ROBO2: variants seen among roughly 807,000 people sequenced by gnomAD.
ROBO2 encodes roundabout homolog 2.
A neutral mutation model predicts 160.8 loss-of-function variants in ROBO2; 53 were observed. The ratio of observed to expected loss-of-function variants is 0.33; its 90% CI spans 0.26 to 0.41. The LOEUF is 0.41. Ranked by LOEUF, ROBO2 falls within the 10% of genes least tolerant of loss-of-function variation. The probability of loss-of-function intolerance (pLI) is 1.00; values close to 1 mark genes in which losing one functional copy is unlikely to be tolerated. For synonymous variants in ROBO2, 664 were observed against 611.7 expected (o/e 1.09, Z -1.26); for missense variants, 1,577 against 1,722.4 (o/e 0.92, Z 1.49).
intron 2 of ROBO2, among the ~76,000 whole-genome samples, chr3:77,003,024 G>T (rs2061407325): frequency 6.6e-6 from 1 of 152,134 alleles, no homozygotes; most frequent in Non-Finnish European, 1.5e-5. Context: ...GAGAAAGCAA[G>T]CTATCTCTTG....
upstream of ROBO2, among the ~76,000 whole-genome samples, chr3:77,035,533 C>A (rs1055059417): frequency 6.6e-6 from 1 of 151,950 alleles, no homozygotes; most frequent in East Asian, 1.9e-4. Context: ...TTTAAATGAA[C>A]TATTACTATA....
intron 2 of ROBO2, among the ~76,000 whole-genome samples, chr3:76,619,451 C>T (rs952513411): frequency 9.9e-5 from 15 of 151,988 alleles, no homozygotes; most frequent in East Asian, 3.9e-4. Context: ...AAAAAGATAT[C>T]GAGTTTATGT....
intron 2 of ROBO2, among the ~76,000 whole-genome samples, chr3:76,721,374 A>G (rs2093464330): frequency 6.6e-6 from 1 of 152,134 alleles, no homozygotes; most frequent in African/African-American, 2.4e-5. Flanking sequence ...CATATTTCTG[A>G]TGAGTCTTTT....
At chr3:76,215,179 G>T (rs544196025) in intron 2 of ROBO2, among the ~76,000 whole-genome samples, 1 of 152,262 alleles carries the variant, frequency 6.6e-6, no homozygotes, top group African/African-American at 2.4e-5. Context: ...CATCATCAAA[G>T]ACCAAAGGTA....
At chr3:77,352,289 G>C (rs1459966221) in intron 2 of ROBO2, among the ~76,000 whole-genome samples, 2 of 151,746 alleles carry the variant, frequency 1.3e-5, no homozygotes, top group African/African-American at 4.8e-5. Context: ...AGGCAGGAGT[G>C]ACTATAGAAG....
At position 77,046,166 on chromosome 3, in the gene ROBO2, C is replaced by A. The variant is rs182082648; in HGVS notation, c.61+5320C>A. On this transcript the variant is annotated intron_variant, in intron 1 of 25. Coordinates refer to ENST00000461745, the Ensembl canonical transcript of ROBO2. ...CTGTGTTTCACATTTTGAGGAACTG[C>A]AAGACTATTTTCCAAAGCAGCTGTG... Among the ~76,000 whole-genome samples, 6 of 152,246 alleles carry A rather than the reference C, an allele frequency of 3.9e-5. No homozygotes were observed. In the East Asian group the frequency reaches 1.2e-3, roughly 29 times the overall value.
chr3:77,209,973 G>A (rs539522898), intron 2 of ROBO2, among the ~76,000 whole-genome samples: 9 of 152,080 alleles, frequency 5.9e-5, no homozygotes, highest in African/African-American at 1.9e-4. Context: ...CTTTCTTTTT[G>A]AAAGAAAAAT....
chr3:75,927,133 C>G (rs1313992999), intron 1 of ROBO2, among the ~76,000 whole-genome samples: 1 of 152,156 alleles, frequency 6.6e-6, no homozygotes, highest in African/African-American at 2.4e-5. Context: ...TCAAGGTCCT[C>G]TTTAATTATT....
chr3:75,930,391 C>T (rs889545948), intron 1 of ROBO2, among the ~76,000 whole-genome samples: 12 of 152,090 alleles, frequency 7.9e-5, no homozygotes, highest in African/African-American at 2.7e-4. Flanking sequence ...CCTCAAATGT[C>T]GTAGTTCATT....
intron 2 of ROBO2, among the ~76,000 whole-genome samples, chr3:77,426,063 T>C (rs2078171747): frequency 6.6e-6 from 1 of 151,962 alleles, no homozygotes; most frequent in Non-Finnish European, 1.5e-5. Context: ...GGGATTACTG[T>C]ATTGAGGTTG....
At chr3:75,981,124 T>C (rs2065263075) in intron 2 of ROBO2, among the ~76,000 whole-genome samples, 1 of 151,550 alleles carries the variant, frequency 6.6e-6, no homozygotes, top group Admixed American at 6.6e-5. Flanking sequence ...AACATCATTT[T>C]CTGTATTATG....
upstream of ROBO2, among the ~76,000 whole-genome samples, chr3:77,038,358 A>G (rs2063757541): frequency 6.6e-6 from 1 of 152,154 alleles, no homozygotes. Flanking sequence ...CTTTCGCAAG[A>G]CTATTTCATT....
At chr3:76,996,304 G>C (rs1475411646) in intron 2 of ROBO2, among the ~76,000 whole-genome samples, 1 of 152,018 alleles carries the variant, frequency 6.6e-6, no homozygotes, top group Non-Finnish European at 1.5e-5. Context: ...CTGTCCCATT[G>C]GTCTATATCT....
intron 2 of ROBO2, among the ~76,000 whole-genome samples, chr3:76,821,799 A>G (rs1400763698): frequency 1.3e-5 from 2 of 151,996 alleles, no homozygotes; most frequent in African/African-American, 4.8e-5. Context: ...CCATCAACAG[A>G]AACAGTAAAA....
At chr3:76,938,947 G>C (rs1179197028) in intron 2 of ROBO2, among the ~76,000 whole-genome samples, 2 of 142,002 alleles carry the variant, frequency 1.4e-5, no homozygotes, top group Non-Finnish European at 3.0e-5. Flanking sequence ...CGCTAGCCTG[G>C]GCGACAAGAG....
chr3:76,860,453 T>A (rs918488286), intron 2 of ROBO2, among the ~76,000 whole-genome samples: 3 of 152,232 alleles, frequency 2.0e-5, no homozygotes, highest in Non-Finnish European at 2.9e-5. Context: ...ATCTCCAAAC[T>A]ATTTTTATAG....
At chr3:76,371,620 A>G (rs767016987) in intron 2 of ROBO2, among the ~76,000 whole-genome samples, 2 of 151,970 alleles carry the variant, frequency 1.3e-5, no homozygotes, top group Non-Finnish European at 2.9e-5. Flanking sequence ...TTACTCTAGT[A>G]TTTGAATGAG....
At chr3:77,221,117 A>G (rs949398640) in intron 2 of ROBO2, among the ~76,000 whole-genome samples, 15 of 152,168 alleles carry the variant, frequency 9.9e-5, no homozygotes, top group Non-Finnish European at 2.9e-5. Flanking sequence ...GCAGACCCAC[A>G]TAGGCCTGGT....
intron 2 of ROBO2, among the ~76,000 whole-genome samples, chr3:75,997,499 C>CATTTTTTTTT (rs748808908): frequency 7.9e-6 from 1 of 126,524 alleles, no homozygotes. Context: ...TTCATCCATT[C>CATTTTTTTTT]TTTTTTTTTT....
Sources: allele counts gnomAD v4.1 joint callset (sites outside exome capture counted in the v4.1 genomes callset), GRCh38; gene constraint gnomAD v4.1.1; transcripts MANE v1.5; gene names NCBI Gene and HGNC (gene_info 2026-07-23, HGNC 2026-07-21).